Variants in TCOF1 observed in about 807,000 individuals in gnomAD.
TCOF1 encodes the protein treacle ribosome biogenesis factor 1.
A neutral mutation model predicts 149.0 loss-of-function variants in TCOF1; 33 were observed. That is an observed-to-expected ratio of 0.22 (90% CI 0.17 to 0.30). The LOEUF is 0.30. Ranked by LOEUF, TCOF1 falls within the 10% of genes least tolerant of loss-of-function variation. The pLI, the probability that TCOF1 is intolerant of heterozygous loss-of-function variation, is 1.00. For missense variants in TCOF1, 1,728 were observed against 1,840.7 expected (o/e 0.94, Z 1.12); for synonymous variants, 789 against 738.8 (o/e 1.07, Z -1.10).
intron 17 of TCOF1, among the ~76,000 whole-genome samples, chr5:150,385,340 G>A (rs1208170129): frequency 1.3e-5 from 2 of 152,212 alleles, no homozygotes; most frequent in East Asian, 3.8e-4. Flanking sequence ...CTGGTGCCTG[G>A]AGAACTAACT....
rs369313036 is a variant in TCOF1 at position 150,393,346 on chromosome 5, G to A, written c.3604-26G>A. On this transcript the variant is annotated intron_variant, in intron 22 of 26. Transcript: ENST00000643257. Reference sequence around the variant, plus strand: ...ATGGCAGTGGGGTGGGGTGGTGGCAGCCTCTTTCACAATGGGCTTCTTCAG... The same window carrying A: ...ATGGCAGTGGGGTGGGGTGGTGGCAACCTCTTTCACAATGGGCTTCTTCAG... The A allele has an allele frequency of 1.2e-5, 20 of 1,613,554 alleles. No homozygotes were observed. In the African/African-American group the frequency reaches 2.5e-4, roughly 20 times the overall value.
Position 150,374,169 on chromosome 5 carries a change from A to G in TCOF1, c.871-5A>G. 6.2e-7 allele frequency: 1 copy of G among 1,610,186 alleles called. No individual in the cohort carries two copies. Among genetic ancestry groups the G allele is most frequent in the Non-Finnish European group, 8.5e-7 (1 of 1,178,646 alleles). On this transcript the variant is annotated splice_region_variant and splice_polypyrimidine_tract_variant and intron_variant, in intron 7 of 26. Coordinates refer to ENST00000643257, the MANE Select transcript of TCOF1 (RefSeq NM_001371623.1). ...GAGAGCAAGCTGCCCTTTCTTTTTCACCAGGTAAAGGCCTCTGAAAAAATT... is the reference window on the plus strand; with the variant it reads ...GAGAGCAAGCTGCCCTTTCTTTTTCGCCAGGTAAAGGCCTCTGAAAAAATT...
chr5:150,376,029 G>T, intron 12 of TCOF1, 53 bp from the exon 13 acceptor site: 1 of 1,613,194 alleles, frequency 6.2e-7, no homozygotes, highest in Non-Finnish European at 8.5e-7. Flanking sequence ...CAGAACAGAT[G>T]GGGGACTCTG....
chr5:150,377,284 C>T (rs1018511226), intron 14 of TCOF1, among the ~76,000 whole-genome samples: 2 of 152,210 alleles, frequency 1.3e-5, no homozygotes, highest in African/African-American at 2.4e-5. Context: ...CCTCAGAGCC[C>T]TTACTCTCCT....
In TCOF1 at chr5:150,399,074, C is replaced by A; in HGVS notation, c.*22+4C>A. The A allele has an allele frequency of 6.2e-7, 1 of 1,614,224 alleles. No homozygotes were observed. Among genetic ancestry groups the A allele is most frequent in the Non-Finnish European group, 8.5e-7 (1 of 1,180,038 alleles). ...CGAGCACCAGCACCAGGCACAGGTA[C>A]GCTTCCCAATCATTCCTGAGCATTC... On this transcript the variant is annotated splice_donor_region_variant and intron_variant, in intron 26 of 26. Coordinates refer to ENST00000643257, the MANE Select transcript of TCOF1 (RefSeq NM_001371623.1).
Position 150,384,332 on chromosome 5 carries a change from G to C in TCOF1, c.2860-3570G>C, listed in dbSNP as rs1765839269. On this transcript the variant is annotated intron_variant, in intron 17 of 26. Coordinates refer to ENST00000643257, the MANE Select transcript of TCOF1 (RefSeq NM_001371623.1). Reference sequence around the variant, plus strand: ...ATGAGGGTGGCTCCCTTTGTTGTTTGCATTTTAAGGAACTGGGAGTGAGGC... The same window carrying C: ...ATGAGGGTGGCTCCCTTTGTTGTTTCCATTTTAAGGAACTGGGAGTGAGGC... 9.1e-6 allele frequency: 9 copies of C among 985,986 alleles called. No individual in the cohort carries two copies. In the South Asian group the frequency reaches 4.2e-4, roughly 46 times the overall value. 61.1% of individuals were successfully genotyped at this position (985,986 alleles called of 1,614,324 possible).
rs1562304567 is a variant in TCOF1, at chr5:150,367,827, A to G, written c.305-17A>G. On this transcript the variant is annotated splice_polypyrimidine_tract_variant and intron_variant, in intron 3 of 26. Coordinates refer to ENST00000643257, the MANE Select transcript of TCOF1 (RefSeq NM_001371623.1). ...AAAGCTCATCTGGCTCCTTTAGCAG[A>G]TGTTTGTTTCTTGCAGCCCCAAGAC... 1.9e-6 allele frequency: 3 copies of G among 1,614,012 alleles called. No individual in the cohort carries two copies. The highest frequency in any genetic ancestry group is 2.5e-6 in the Non-Finnish European group (3 of 1,179,962).
Position 150,396,301 on chromosome 5 carries a change from A to G in TCOF1, c.3804A>G (p.Ser1268=). Residue 1268 remains serine (S), a synonymous_variant, in exon 24 of 27, where the codon TCA becomes TCG. Transcript: ENST00000643257. The stretch of plus-strand genomic sequence containing the variant: ...CCATAGGTGGAAAAGAGGCTGCTTC[A>G]GGCACCACACCTCAGAAGTCCCGGA... ...SPKTGGKEAA[S]GTTPQKSRKP... 2 of 1,614,042 alleles carry G rather than the reference A, an allele frequency of 1.2e-6. No homozygotes were observed. The highest frequency in any genetic ancestry group is 1.7e-6 in the Non-Finnish European group (2 of 1,180,044).
At chr5:150,378,568 G>T (rs1294092310) in intron 14 of TCOF1, 2 of 317,688 alleles carry the variant, frequency 6.3e-6, no homozygotes, top group Non-Finnish European at 1.2e-5. Context: ...AAGGGAGCCT[G>T]GAAAACATCT....
At chr5:150,374,148 G>A in intron 7 of TCOF1, 26 bp from the exon 8 acceptor site, 1 of 1,601,078 alleles carries the variant, frequency 6.2e-7, no homozygotes, top group Non-Finnish European at 8.5e-7. Flanking sequence ...AAGCAGGAGA[G>A]CAAGCTGCCC....
chr5:150,359,046 T>A (rs997897191), intron 1 of TCOF1, among the ~76,000 whole-genome samples: 3 of 149,660 alleles, frequency 2.0e-5, no homozygotes, highest in South Asian at 2.1e-4. Flanking sequence ...AAAAAAAAAT[T>A]TTTTTTAAGT....
chr5:150,392,468 A>T, intron 21 of TCOF1: 1 of 610,726 alleles, frequency 1.6e-6, no homozygotes, highest in Non-Finnish European at 2.9e-6. Context: ...AGGGAAATAG[A>T]AATGGGGCCT....
chr5:150,361,026 A>AT (rs1759952745), intron 1 of TCOF1, 130 bp from the exon 2 acceptor site: 1 of 1,166,002 alleles, frequency 8.6e-7, no homozygotes, highest in Non-Finnish European at 1.3e-6. Context: ...ATGAGCCACC[A>AT]TGCCCAGCCA....
chr5:150,398,407 A>C lies in TCOF1; in HGVS notation c.4399A>C (p.Thr1467Pro). 6.2e-7 allele frequency: 1 copy of C among 1,614,202 alleles called. No individual in the cohort carries two copies. Residue 1467 changes from threonine (T) to proline (P), a missense_variant, in exon 25 of 27, where the codon ACC becomes CCC. This residue lies in a region of TCOF1 where 1,696 missense variants were observed against 1,765.4 expected (regional missense o/e 0.96). Coordinates refer to ENST00000643257, the MANE Select transcript of TCOF1 (RefSeq NM_001371623.1). ...EKKKKAKKAS[T>P]KDSESPSQKK... is the part of the protein sequence containing the mutation. ...GAAGAAGAAAGCAAAAAAGGCCTCAACCAAAGATTCTGAGTCACCGTCCCA... is the reference window on the plus strand; with the variant it reads ...GAAGAAGAAAGCAAAAAAGGCCTCACCCAAAGATTCTGAGTCACCGTCCCA...
intron 3 of TCOF1, among the ~76,000 whole-genome samples, chr5:150,364,494 G>C (rs781500777): frequency 6.6e-6 from 1 of 152,200 alleles, no homozygotes; most frequent in Non-Finnish European, 1.5e-5. Flanking sequence ...GTCTCATTTG[G>C]TGTATGGGGC....
intron 4 of TCOF1, 123 bp downstream of exon 4, chr5:150,368,040 C>A: frequency 9.7e-7 from 1 of 1,032,748 alleles, no homozygotes; most frequent in Non-Finnish European, 1.5e-6. Flanking sequence ...CAGAGCTCAA[C>A]CTGTGTCACC....
At chr5:150,370,723 C>G (rs1179392958) in intron 6 of TCOF1, among the ~76,000 whole-genome samples, 1 of 152,184 alleles carries the variant, frequency 6.6e-6, no homozygotes, top group Non-Finnish European at 1.5e-5. Context: ...GTGCAGCACT[C>G]TGGGAGGCCA....
intron 2 of TCOF1, 136 bp from the exon 3 acceptor site, chr5:150,363,977 C>T: frequency 7.7e-7 from 1 of 1,293,142 alleles, no homozygotes; most frequent in South Asian, 1.2e-5. Flanking sequence ...TGTGCCTATA[C>T]TGTGTTTTCA....
At position 150,375,332 on chromosome 5, in the gene TCOF1, C is replaced by T; in HGVS notation, c.1489-7C>T. The T allele has an allele frequency of 6.2e-7, 1 of 1,610,786 alleles. No individual in the cohort carries two copies. Among genetic ancestry groups the T allele is most frequent in the Middle Eastern group, 2.2e-4 (1 of 4,556 alleles). ...CCCTCCCTAATCTTGTCCTTTGTGTCTCCCAGGTGAAGCCCTTGGGGAAAA... is the reference window on the plus strand; with the variant it reads ...CCCTCCCTAATCTTGTCCTTTGTGTTTCCCAGGTGAAGCCCTTGGGGAAAA... On this transcript the variant is annotated splice_region_variant and splice_polypyrimidine_tract_variant and intron_variant, in intron 10 of 26. Coordinates refer to ENST00000643257, the MANE Select transcript of TCOF1 (RefSeq NM_001371623.1).
Sources: allele counts gnomAD v4.1 joint callset (sites outside exome capture counted in the v4.1 genomes callset), GRCh38; gene constraint gnomAD v4.1.1; regional missense constraint gnomAD v4.1.1; transcripts MANE v1.5; gene names NCBI Gene and HGNC (gene_info 2026-07-23, HGNC 2026-07-21).